Variants in IL1RL1 observed in about 807,000 individuals in gnomAD.
The protein encoded by IL1RL1 is interleukin 1 receptor like 1.
A neutral mutation model predicts 50.9 loss-of-function variants in IL1RL1; 32 were observed. That is an observed-to-expected ratio of 0.63 (90% CI 0.47 to 0.84). The LOEUF is 0.84. Ranked by LOEUF, IL1RL1 falls within the 40% of genes least tolerant of loss-of-function variation. The probability of loss-of-function intolerance (pLI) is 0.00; values close to 1 mark genes in which losing one functional copy is unlikely to be tolerated. For missense variants in IL1RL1, 773 were observed against 662.9 expected, an observed-to-expected ratio of 1.17 and a Z score of -1.82; for synonymous variants, 275 against 236.0, an observed-to-expected ratio of 1.17 and a Z score of -1.51.
intron 1 of IL1RL1, among the ~76,000 whole-genome samples, chr2:102,315,177 C>T (rs922771749): frequency 6.6e-6 from 1 of 152,166 alleles, no homozygotes; most frequent in Non-Finnish European, 1.5e-5. Flanking sequence ...CTCAGCCCCA[C>T]TGCCACCCAA....
intron 1 of IL1RL1, among the ~76,000 whole-genome samples, chr2:102,320,049 A>C (rs957912596): frequency 6.6e-6 from 1 of 152,198 alleles, no homozygotes; most frequent in Non-Finnish European, 1.5e-5. Context: ...ACCTTTTAAT[A>C]AACTATAAGA....
intron 1 of IL1RL1, among the ~76,000 whole-genome samples, chr2:102,319,309 C>T (rs1426816223): frequency 6.6e-6 from 1 of 152,138 alleles, no homozygotes; most frequent in Non-Finnish European, 1.5e-5. Context: ...ACCAAACTGC[C>T]TCTGCTAGCT....
chr2:102,337,506 T>C (rs948192614), intron 1 of IL1RL1, among the ~76,000 whole-genome samples: 43 of 152,204 alleles, frequency 2.8e-4, no homozygotes, highest in African/African-American at 9.9e-4. Flanking sequence ...AAAAAATTAA[T>C]GTATTTATTA....
At chr2:102,318,303 A>G (rs1676737491) in intron 1 of IL1RL1, among the ~76,000 whole-genome samples, 1 of 152,146 alleles carries the variant, frequency 6.6e-6, no homozygotes, top group Admixed American at 6.5e-5. Flanking sequence ...GTATTTGGAA[A>G]GTAGGTTCAC....
chr2:102,337,534 A>G (rs905561589), intron 1 of IL1RL1, among the ~76,000 whole-genome samples: 1 of 152,204 alleles, frequency 6.6e-6, no homozygotes, highest in Non-Finnish European at 1.5e-5. Context: ...TAGACCTTCA[A>G]CTACTCTTAG....
rs1677602903 is a variant in IL1RL1 at position 102,342,352 on chromosome 2, C to T, written c.682+58C>T. On this transcript the variant is annotated intron_variant, in intron 6 of 10. Coordinates refer to ENST00000233954, the MANE Select transcript of IL1RL1 (RefSeq NM_016232.5). The stretch of plus-strand genomic sequence containing the variant: ...GCCTGGAAAAATCCTTCCATATGAC[C>T]CCTGTTCTGAATTCCCTTAGCAGGG... The T allele has an allele frequency of 3.3e-6, 4 of 1,218,410 alleles. No homozygotes were observed. The South Asian group carries it at 3.6e-5, about 11-fold the overall frequency. 75.5% of individuals were successfully genotyped at this position (1,218,410 alleles called of 1,614,324 possible). A position where few individuals can be genotyped will look rare whatever the true frequency, so the allele number is the denominator to read the frequency against.
At chr2:102,331,160 G>T (rs1406610184) in intron 1 of IL1RL1, among the ~76,000 whole-genome samples, 1 of 152,108 alleles carries the variant, frequency 6.6e-6, no homozygotes, top group Non-Finnish European at 1.5e-5. Flanking sequence ...AAGTCTTAAG[G>T]TCAGGTTGTG....
intron 1 of IL1RL1, among the ~76,000 whole-genome samples, chr2:102,335,407 A>T (rs1166111777): frequency 6.6e-6 from 1 of 152,118 alleles, no homozygotes; most frequent in Non-Finnish European, 1.5e-5. Flanking sequence ...CTTGACTTTG[A>T]AGTTCAGCAA....
At chr2:102,312,282 G>A (rs1573122854) in intron 1 of IL1RL1, among the ~76,000 whole-genome samples, 1 of 147,680 alleles carries the variant, frequency 6.8e-6, no homozygotes, top group Non-Finnish European at 1.5e-5. Context: ...AATATATAAT[G>A]TAATATATAT....
rs1477433718 is a variant in IL1RL1, at chr2:102,338,235, A to G, written c.-30A>G. ...TCTGGAGTAATCTCAACAACGAGTT[A>G]CCAATACTTGCTCTTGATTGATAAA... On this transcript the variant is annotated 5_prime_UTR_variant, in exon 2 of 11. Coordinates refer to ENST00000233954, the MANE Select transcript of IL1RL1 (RefSeq NM_016232.5). The G allele has an allele frequency of 2.6e-6, 4 of 1,523,026 alleles. No individual in the cohort carries two copies. The highest frequency in any genetic ancestry group is 2.3e-5 in the East Asian group (1 of 44,152). 94.3% of individuals were successfully genotyped at this position (1,523,026 alleles called of 1,614,324 possible).
chr2:102,351,397 C>T (rs6734742), intron 10 of IL1RL1, 139 bp from the exon 11 acceptor site: 272,185 of 736,956 alleles, frequency 0.37, 56,228 homozygotes, highest in African/African-American at 0.7. Flanking sequence ...TCCACACATA[C>T]TTCCACTTCT....
intron 1 of IL1RL1, among the ~76,000 whole-genome samples, chr2:102,320,896 G>T (rs1305622438): frequency 1.3e-5 from 2 of 152,168 alleles, no homozygotes; most frequent in African/African-American, 4.8e-5. Flanking sequence ...CAAGTTTGAG[G>T]TCATGTCACT....
chr2:102,319,469 A>G (rs1233056630), intron 1 of IL1RL1, among the ~76,000 whole-genome samples: 1 of 152,210 alleles, frequency 6.6e-6, no homozygotes, highest in Admixed American at 6.5e-5. Flanking sequence ...GGTAAATATT[A>G]GCCTTCACAC....
At position 102,344,013 on chromosome 2, in the gene IL1RL1, T is replaced by TA. The variant is rs1167311988; in HGVS notation, c.970+600dup. The TA allele has an allele frequency of 5.0e-6, 3 of 601,864 alleles. No individual in the cohort carries two copies. In the African/African-American group the frequency reaches 6.0e-5, roughly 12 times the overall value. The allele number at this position is 601,864 out of a possible 1,614,324, so 37.3% of individuals were successfully genotyped here. A position where few individuals can be genotyped will look rare whatever the true frequency, so the allele number is the denominator to read the frequency against. On this transcript the variant is annotated intron_variant, in intron 8 of 10. Coordinates refer to ENST00000233954, the MANE Select transcript of IL1RL1 (RefSeq NM_016232.5). ...TGGGTGATTTATATGAAAAGAGGTTTAATTGGCTCACAGTTCTGCAGGCTG... is the reference window on the plus strand; with the variant it reads ...TGGGTGATTTATATGAAAAGAGGTTTAAATTGGCTCACAGTTCTGCAGGCTG...
intron 1 of IL1RL1, among the ~76,000 whole-genome samples, chr2:102,328,035 T>G (rs1456514135): frequency 2.6e-5 from 4 of 152,152 alleles, no homozygotes; most frequent in Non-Finnish European, 4.4e-5. Flanking sequence ...TACCAAAGCC[T>G]GGCAGAGACA....
downstream of IL1RL1, among the ~76,000 whole-genome samples, chr2:102,352,268 A>T (rs1677957417): frequency 6.7e-6 from 1 of 149,238 alleles, no homozygotes; most frequent in Non-Finnish European, 1.5e-5. Context: ...ATAGCAAACT[A>T]ATCATTCGAG....
At position 102,340,186 on chromosome 2, in the gene IL1RL1, A is replaced by G; in HGVS notation, c.361A>G (p.Thr121Ala). 1 of 1,604,652 alleles carries G rather than the reference A, an allele frequency of 6.2e-7. No individual in the cohort carries two copies. The highest frequency in any genetic ancestry group is 8.5e-7 in the Non-Finnish European group (1 of 1,176,304). The part of the protein sequence containing the change: ...CNVPDYLMYS[T>A]VSGSEKNSKI... ...TGTTCCAGATTATTTGATGTATTCA[A>G]CAGTATCTGGATCAGAAAAAAATTC... The change falls in exon 4 of 11, where the codon ACA becomes GCA. Residue 121 changes from threonine to alanine, a missense_variant. Transcript: ENST00000233954.
chr2:102,342,166 T>C, intron 5 of IL1RL1, 57 bp from the exon 6 acceptor site: 1 of 1,208,608 alleles, frequency 8.3e-7, no homozygotes, highest in Non-Finnish European at 1.2e-6. Flanking sequence ...AATACAAGCT[T>C]TATATTGACT....
chr2:102,341,050 C>A, intron 5 of IL1RL1: 1 of 667,520 alleles, frequency 1.5e-6, no homozygotes, highest in Non-Finnish European at 2.2e-6. Flanking sequence ...TAATTCAAAG[C>A]CACATCTGTT....
Sources: gnomAD v4.1 joint callset for allele counts (sites outside exome capture counted in the v4.1 genomes callset) on GRCh38, gnomAD v4.1.1 for gene constraint, MANE v1.5 for transcripts, NCBI Gene and HGNC (gene_info 2026-07-23, HGNC 2026-07-21) for gene names.